Variants in RFX7 observed in about 807,000 individuals in gnomAD.
RFX7 encodes regulatory factor X7, also known as DNA-binding protein RFX7.
Under a neutral mutation model 111.8 loss-of-function variants are expected in RFX7, and 26 were observed. That is an observed-to-expected ratio of 0.23 (90% CI 0.17 to 0.32). The LOEUF is 0.32. Ranked by LOEUF, RFX7 falls within the 10% of genes least tolerant of loss-of-function variation. The probability of loss-of-function intolerance (pLI) is 1.00; values close to 1 mark genes in which losing one functional copy is unlikely to be tolerated. For synonymous variants in RFX7, 624 were observed against 624.4 expected (o/e 1.00, Z 0.01); for missense variants, 1,573 against 1,772.9 (o/e 0.89, Z 2.02).
chr15:56,162,582 C>G (rs2042733534), intron 3 of RFX7, among the ~76,000 whole-genome samples: 1 of 151,178 alleles, frequency 6.6e-6, no homozygotes, highest in Non-Finnish European at 1.5e-5. Context: ...CAAAAGTTAC[C>G]AGAACTTATT....
intron 2 of RFX7, among the ~76,000 whole-genome samples, chr15:56,184,111 C>T (rs1302967438): frequency 1.3e-5 from 2 of 151,864 alleles, no homozygotes; most frequent in African/African-American, 4.8e-5. Context: ...CCTCCACCTC[C>T]CAGGTTCAAG....
intron 2 of RFX7, among the ~76,000 whole-genome samples, chr15:56,197,381 T>C (rs2043154575): frequency 6.6e-6 from 1 of 152,184 alleles, no homozygotes. Flanking sequence ...ATATTTTTCT[T>C]TATGAAAAGT....
chr15:56,169,700 CTTTT>C (rs35597885), intron 3 of RFX7, among the ~76,000 whole-genome samples: 7 of 96,884 alleles, frequency 7.2e-5, no homozygotes, highest in Middle Eastern at 6.7e-3. Context: ...CTAGTCAGTT[CTTTT>C]TTTTTTTTTT....
chr15:56,157,944 T>C (rs1435523846), intron 3 of RFX7, among the ~76,000 whole-genome samples: 3 of 152,228 alleles, frequency 2.0e-5, no homozygotes, highest in Non-Finnish European at 4.4e-5. Context: ...CTAGAACTTA[T>C]GTCATAGAGA....
intron 5 of RFX7, among the ~76,000 whole-genome samples, chr15:56,124,895 T>C (rs552123300): frequency 2.4e-4 from 36 of 152,356 alleles, no homozygotes; most frequent in African/African-American, 8.2e-4. Context: ...TTGCTTTTGT[T>C]GCCTGTGCTT....
Position 56,142,831 on chromosome 15 carries a change from T to C in RFX7, c.348A>G (p.Leu116=). The change falls in exon 5 of 10, where the codon CTA becomes CTG. Residue 116 remains leucine, a synonymous_variant. Coordinates refer to ENST00000559447, the MANE Select transcript of RFX7 (RefSeq NM_022841.7). ...MHAFSWIRNT[L]EEHPETSLPK... ...GCAGTGAAGTCTCCGGATGTTCCTC[T>C]AGGGTATTCCGAATCCAGGAAAAGG... 6.2e-7 allele frequency: 1 copy of C among 1,613,560 alleles called. No individual in the cohort carries two copies. The highest frequency in any genetic ancestry group is 8.5e-7 in the Non-Finnish European group (1 of 1,179,694).
rs1460535364 is a variant in RFX7 at position 56,095,657 on chromosome 15, C to A, written c.2071G>T (p.Gly691Cys). Residue 691 changes from glycine (G) to cysteine (C), a missense_variant, in exon 10 of 10, where the codon GGC becomes TGC. Physicochemically the swap from Gly to Cys is radical, Grantham distance 159. This residue lies in a region of RFX7 where 625 missense variants were observed against 632.2 expected (regional missense o/e 0.99). Transcript: ENST00000559447. ...ACCTTTTGGTCCTTCTTAACACTGC[C>A]TTGTTTCTGCCCTTCTATGGTAGCT... ...SAATIEGQKQ[G>C]SVKKDQKVPH... is the part of the protein sequence containing the mutation. 1.9e-6 allele frequency: 3 copies of A among 1,614,014 alleles called. No homozygotes were observed. The highest frequency in any genetic ancestry group is 2.2e-5 in the East Asian group (1 of 44,890).
intron 3 of RFX7, among the ~76,000 whole-genome samples, chr15:56,171,277 C>A (rs1338211454): frequency 6.6e-6 from 1 of 152,028 alleles, no homozygotes; most frequent in East Asian, 1.9e-4. Context: ...AGGATAATGA[C>A]CCCAGAAATG....
At chr15:56,155,540 C>T (rs527650247) in intron 3 of RFX7, among the ~76,000 whole-genome samples, 4 of 152,256 alleles carry the variant, frequency 2.6e-5, no homozygotes, top group East Asian at 3.9e-4. Flanking sequence ...TGCGTGTTCT[C>T]GCTCATAAGT....
At chr15:56,129,842 G>A (rs2042190113) in intron 5 of RFX7, among the ~76,000 whole-genome samples, 1 of 152,188 alleles carries the variant, frequency 6.6e-6, no homozygotes. Flanking sequence ...GTATTTTTCT[G>A]ATGATGTTTC....
rs1302675580 is a variant in RFX7 at position 56,218,188 on chromosome 15, C to T, written c.161+24937G>A. Among the ~76,000 whole-genome samples, 5 of 82,376 alleles carry T rather than the reference C, an allele frequency of 6.1e-5. No homozygotes were observed. The South Asian group carries it at 1.4e-3, about 22-fold the overall frequency. The allele number at this position is 82,376 out of a possible 152,430, so 54.0% of individuals were successfully genotyped here. On this transcript the variant is annotated intron_variant, in intron 2 of 9. Coordinates refer to ENST00000559447, the MANE Select transcript of RFX7 (RefSeq NM_022841.7). ...TTTTTTTTTGAGACGGAGTCTTGCT[C>T]TTGTTGCCCAGGCTGGAGTGCAATG...
chr15:56,182,812 T>C (rs1283009459), intron 2 of RFX7, among the ~76,000 whole-genome samples: 5 of 152,164 alleles, frequency 3.3e-5, no homozygotes, highest in African/African-American at 1.2e-4. Flanking sequence ...TTTGTATATG[T>C]CTCTTGGCAT....
chr15:56,171,176 A>G (rs1465807851), intron 3 of RFX7, among the ~76,000 whole-genome samples: 2 of 152,184 alleles, frequency 1.3e-5, no homozygotes. Flanking sequence ...CTGGTGACTG[A>G]CTAGTTGTAA....
chr15:56,243,066 C>CCCAATTGA, intron 2 of RFX7, 59 bp downstream of exon 2: 1 of 1,161,758 alleles, frequency 8.6e-7, no homozygotes. Context: ...GCCCCCCACC[C>CCCAATTGA]ACTTTGCAGC....
chr15:56,187,032 T>C (rs1315249966), intron 2 of RFX7, among the ~76,000 whole-genome samples: 1 of 152,202 alleles, frequency 6.6e-6, no homozygotes, highest in African/African-American at 2.4e-5. Context: ...ATTAAAATAA[T>C]GCTTCAGTGT....
intron 5 of RFX7, among the ~76,000 whole-genome samples, chr15:56,109,592 G>A (rs1468364875): frequency 1.1e-4 from 16 of 151,208 alleles, no homozygotes; most frequent in Admixed American, 2.6e-4. Flanking sequence ...ATCCCATCTA[G>A]GAAGTGAGGA....
Position 56,237,163 on chromosome 15 carries a change from G to A in RFX7, c.161+5962C>T, listed in dbSNP as rs150072804. Among the ~76,000 whole-genome samples the A allele has an allele frequency of 2.1e-3, 326 of 152,152 alleles. 2 individuals are homozygous for A. Among genetic ancestry groups the A allele is most frequent in the African/African-American group, 7.5e-3 (310 of 41,518 alleles). The stretch of plus-strand genomic sequence containing the variant: ...GTGTTAGAATCTCAGGAACCTTCAC[G>A]GTCACTTAGTAAAAATCTCTCATTT... On this transcript the variant is annotated intron_variant, in intron 2 of 9. Transcript: ENST00000559447.
intron 2 of RFX7, among the ~76,000 whole-genome samples, chr15:56,204,818 G>A (rs534364993): frequency 1.3e-5 from 2 of 152,062 alleles, no homozygotes; most frequent in Non-Finnish European, 2.9e-5. Flanking sequence ...TGCGAGTCAG[G>A]GTCATGCACC....
At chr15:56,224,469 G>GTGTGTT (rs72002456) in intron 2 of RFX7, among the ~76,000 whole-genome samples, 165 of 150,642 alleles carry the variant, frequency 1.1e-3, no homozygotes, top group African/African-American at 4.0e-3. Context: ...TTAGGATTTT[G>GTGTGTT]TGTGTGTGTG....
Sources: allele counts gnomAD v4.1 joint callset (sites outside exome capture counted in the v4.1 genomes callset), GRCh38; gene constraint gnomAD v4.1.1; regional missense constraint gnomAD v4.1.1; transcripts MANE v1.5; gene names NCBI Gene and HGNC (gene_info 2026-07-23, HGNC 2026-07-21).